DAB1: variants seen among roughly 807,000 people sequenced by gnomAD.
DAB1 encodes disabled homolog 1.
In DAB1, 15 loss-of-function variants were observed where a neutral mutation model predicts 64.6. The ratio of observed to expected loss-of-function variants is 0.23; its 90% CI spans 0.16 to 0.36. DAB1 has a LOEUF of 0.36. Among genes scored for constraint, DAB1 ranks in the 10% least tolerant of loss-of-function variants. The pLI, the probability that DAB1 is intolerant of heterozygous loss-of-function variation, is 1.00. For missense variants in DAB1, 596 were observed against 706.7 expected (o/e 0.84, Z 1.78); for synonymous variants, 235 against 251.9 (o/e 0.93, Z 0.64).
chr1:58,395,565 C>A (rs986190062), intron 3 of DAB1, among the ~76,000 whole-genome samples: 1 of 152,156 alleles, frequency 6.6e-6, no homozygotes, highest in Middle Eastern at 3.2e-3. Flanking sequence ...TCCTTTCATC[C>A]TCATAACCTC....
chr1:57,889,894 T>TC (rs1644280800), intron 5 of DAB1, among the ~76,000 whole-genome samples: 1 of 8,018 alleles, frequency 1.2e-4, no homozygotes. Flanking sequence ...TAGCACAAAC[T>TC]GGGGCGGGGG....
chr1:58,529,593 T>C (rs1006689713), intron 1 of DAB1, among the ~76,000 whole-genome samples: 16 of 152,214 alleles, frequency 1.1e-4, no homozygotes, highest in African/African-American at 3.6e-4. Flanking sequence ...GATGGCAAAG[T>C]AGCTTTAGCC....
intron 2 of DAB1, among the ~76,000 whole-genome samples, chr1:57,149,505 G>C (rs772850034): frequency 1.5e-4 from 23 of 152,040 alleles, no homozygotes; most frequent in Non-Finnish European, 2.8e-4. Context: ...GTTATTGTCT[G>C]TCTCTTTTAC....
intron 5 of DAB1, among the ~76,000 whole-genome samples, chr1:57,889,644 G>A (rs540316838): frequency 4.6e-5 from 7 of 152,326 alleles, no homozygotes; most frequent in African/African-American, 1.7e-4. Flanking sequence ...AACAGCTCAG[G>A]ATCTTTATGC....
At chr1:58,335,393 C>A (rs1028503780) in intron 4 of DAB1, among the ~76,000 whole-genome samples, 1 of 152,170 alleles carries the variant, frequency 6.6e-6, no homozygotes, top group Non-Finnish European at 1.5e-5. Flanking sequence ...GAAAAGTAAG[C>A]CCAGGAGAGT....
intron 6 of DAB1, among the ~76,000 whole-genome samples, chr1:57,705,159 G>C (rs3126028): frequency 0.4 from 60,676 of 151,900 alleles, 12,837 homozygotes; most frequent in African/African-American, 0.55. Flanking sequence ...TAAATGCATA[G>C]GCTAAGAGCC....
At chr1:58,536,642 A>G in intron 1 of DAB1, 1 of 872,814 alleles carries the variant, frequency 1.1e-6, no homozygotes, top group Non-Finnish European at 2.0e-6. Flanking sequence ...ATCCAAAACT[A>G]CTCAAACCAA....
intron 1 of DAB1, among the ~76,000 whole-genome samples, chr1:57,407,934 G>A (rs1431300576): frequency 2.6e-5 from 4 of 152,170 alleles, no homozygotes; most frequent in African/African-American, 9.7e-5. Flanking sequence ...TGTTTGATGA[G>A]ACCAAAGAGT....
intron 4 of DAB1, among the ~76,000 whole-genome samples, chr1:58,168,053 C>A (rs1358500656): frequency 6.6e-6 from 1 of 152,170 alleles, no homozygotes; most frequent in Non-Finnish European, 1.5e-5. Context: ...ACCACTGGAC[C>A]CCTTTCACTT....
At chr1:58,259,205 A>G (rs533906626) in intron 4 of DAB1, among the ~76,000 whole-genome samples, 23 of 152,326 alleles carry the variant, frequency 1.5e-4, no homozygotes, top group African/African-American at 5.5e-4. Flanking sequence ...GAACAGAGAC[A>G]TAGGATCCAG....
At chr1:58,296,444 CG>C in intron 4 of DAB1, among the ~76,000 whole-genome samples, 1 of 152,194 alleles carries the variant, frequency 6.6e-6, no homozygotes, top group African/African-American at 2.4e-5. Flanking sequence ...TAGGCAGCTG[CG>C]GGTGGTTGGG....
chr1:58,055,658 G>C (rs1169332691), intron 5 of DAB1, among the ~76,000 whole-genome samples: 1 of 152,154 alleles, frequency 6.6e-6, no homozygotes, highest in Non-Finnish European at 1.5e-5. Flanking sequence ...ATGTTGAATA[G>C]ACTAATGTAC....
chr1:58,169,804 C>G (rs908024186), intron 4 of DAB1, among the ~76,000 whole-genome samples: 1 of 152,126 alleles, frequency 6.6e-6, no homozygotes, highest in African/African-American at 2.4e-5. Context: ...CTCCAAAGGA[C>G]CACAAAAACC....
intron 5 of DAB1, among the ~76,000 whole-genome samples, chr1:57,967,537 A>G (rs1645696988): frequency 6.6e-6 from 1 of 152,188 alleles, no homozygotes; most frequent in Non-Finnish European, 1.5e-5. Context: ...AAGGCTTACT[A>G]GCACCCAAAG....
intron 1 of DAB1, among the ~76,000 whole-genome samples, chr1:57,414,269 A>AT (rs1289833852): frequency 6.6e-5 from 10 of 152,232 alleles, no homozygotes; most frequent in Admixed American, 1.3e-4. Flanking sequence ...TTATTGTCTT[A>AT]TTTTAAGAAA....
intron 1 of DAB1, among the ~76,000 whole-genome samples, chr1:57,831,915 G>A (rs2101905162): frequency 6.6e-6 from 1 of 152,214 alleles, no homozygotes; most frequent in Middle Eastern, 3.4e-3. Context: ...ACTATGCTTT[G>A]TTCTGTGGAA....
intron 6 of DAB1, among the ~76,000 whole-genome samples, chr1:57,714,912 A>G (rs1647067534): frequency 6.6e-6 from 1 of 152,146 alleles, no homozygotes; most frequent in Admixed American, 6.6e-5. Context: ...ACAGTTAAAG[A>G]ACATTTGGAA....
intron 5 of DAB1, among the ~76,000 whole-genome samples, chr1:57,969,436 A>G (rs1449491199): frequency 1.3e-5 from 2 of 152,106 alleles, no homozygotes; most frequent in Non-Finnish European, 2.9e-5. Flanking sequence ...TCCACCTCCC[A>G]GGTTTAAGCA....
At chr1:58,132,422 C>A (rs955035462) in intron 5 of DAB1, among the ~76,000 whole-genome samples, 1 of 152,174 alleles carries the variant, frequency 6.6e-6, no homozygotes, top group Non-Finnish European at 1.5e-5. Context: ...CCGTCTTCTG[C>A]GTCGCTCACG....
Sources: allele counts gnomAD v4.1 joint callset (sites outside exome capture counted in the v4.1 genomes callset), GRCh38; gene constraint gnomAD v4.1.1; transcripts MANE v1.5; gene names NCBI Gene and HGNC (gene_info 2026-07-23, HGNC 2026-07-21).